The following CIB4 variants were observed in gnomAD, a reference collection of about 807,000 sequenced individuals.
CIB4 encodes calcium and integrin binding family member 4.
Under a neutral mutation model 25.8 loss-of-function variants are expected in CIB4, and 25 were observed. That is an observed-to-expected ratio of 0.97 (90% CI 0.71 to 1.35). The LOEUF (loss-of-function observed/expected upper bound fraction) is 1.35. Among genes scored for constraint, CIB4 ranks in the 40% most tolerant of loss-of-function variants. The pLI is 0.00. For synonymous variants in CIB4, 75 were observed against 81.4 expected (o/e 0.92, Z 0.42); for missense variants, 235 against 228.2 (o/e 1.03, Z -0.19).
rs1322576329 is a variant in CIB4 at position 26,627,343 on chromosome 2, G to C, written c.186+2067C>G. Among the ~76,000 whole-genome samples, 1 of 152,222 alleles carries C rather than the reference G, an allele frequency of 6.6e-6. No homozygotes were observed. Among genetic ancestry groups the C allele is most frequent in the East Asian group, 1.9e-4 (1 of 5,204 alleles). ...AAGTTGTTTCCCTCTTGGGACCTCA[G>C]TTTCCCCATTAATAAAATCAGGGTG... On this transcript the variant is annotated intron_variant, in intron 3 of 6. Transcript: ENST00000288861. The surrounding 1 kb of genome is among the most constrained non-coding windows in gnomAD (Gnocchi z 4.0).
chr2:26,623,714 G>A (rs1164604733), intron 3 of CIB4: 14 of 351,170 alleles, frequency 4.0e-5, no homozygotes, highest in Non-Finnish European at 6.7e-5. Context: ...CAGGAAGCCC[G>A]GAGCAGGAGG....
chr2:26,591,765 C>T (rs1048138718), intron 4 of CIB4, among the ~76,000 whole-genome samples: 1 of 152,230 alleles, frequency 6.6e-6, no homozygotes, highest in African/African-American at 2.4e-5. Context: ...AGTCTCTCCC[C>T]CTGGCTGTCT....
chr2:26,626,462 A>G (rs1669308128), intron 3 of CIB4, among the ~76,000 whole-genome samples: 1 of 152,102 alleles, frequency 6.6e-6, no homozygotes, highest in African/African-American at 2.4e-5. Context: ...ATAGAAAAAA[A>G]GTCTGGAAGG....
At chr2:26,634,031 G>A (rs781302231) in intron 2 of CIB4, among the ~76,000 whole-genome samples, 2 of 152,176 alleles carry the variant, frequency 1.3e-5, no homozygotes, top group Non-Finnish European at 2.9e-5. Flanking sequence ...CTCTAGCTTA[G>A]TAGTTCTCAA....
intron 2 of CIB4, among the ~76,000 whole-genome samples, chr2:26,634,756 C>A (rs975834532): frequency 1.3e-5 from 2 of 152,228 alleles, no homozygotes; most frequent in African/African-American, 4.8e-5. Flanking sequence ...ATGGAGTCTA[C>A]AAAGTGTTGG....
intron 4 of CIB4, among the ~76,000 whole-genome samples, chr2:26,593,502 T>C (rs1189294265): frequency 1.3e-5 from 2 of 152,180 alleles, no homozygotes; most frequent in Non-Finnish European, 2.9e-5. Context: ...TCTGTTTCTC[T>C]GCAGAATCCT....
At chr2:26,586,631 G>A (rs544461776) in intron 4 of CIB4, among the ~76,000 whole-genome samples, 1 of 152,194 alleles carries the variant, frequency 6.6e-6, no homozygotes, top group Non-Finnish European at 1.5e-5. Flanking sequence ...AATAAATAAC[G>A]AATGAACTAC....
In CIB4 at chr2:26,599,728, T is replaced by C. The variant is rs1319439080; in HGVS notation, c.187-4411A>G. 3.9e-5 allele frequency among the ~76,000 whole-genome samples: 6 copies of C among 152,236 alleles called. 1 individual carries two copies. The highest frequency in any genetic ancestry group is 1.3e-4 in the Admixed American group (2 of 15,280). On this transcript the variant is annotated intron_variant, in intron 3 of 6. Transcript: ENST00000288861. ...ATTTAGACTTCATTTAGTGTTTTTA[T>C]TTTCTAATCATACTTTATTTTGTGA...
chr2:26,625,827 G>A (rs1003874945), intron 3 of CIB4, among the ~76,000 whole-genome samples: 1 of 152,176 alleles, frequency 6.6e-6, no homozygotes, highest in South Asian at 2.1e-4. Context: ...TGCCCTAAAC[G>A]GCATTGACTA....
intron 3 of CIB4, among the ~76,000 whole-genome samples, chr2:26,599,080 T>C (rs1484981623): frequency 6.6e-6 from 1 of 152,202 alleles, no homozygotes; most frequent in Non-Finnish European, 1.5e-5. Flanking sequence ...AGAGTTATCA[T>C]CTGTATGAAA....
chr2:26,612,281 A>G (rs934398309), intron 3 of CIB4, among the ~76,000 whole-genome samples: 4 of 152,322 alleles, frequency 2.6e-5, no homozygotes, highest in Admixed American at 2.6e-4. Flanking sequence ...CTCAGAGCTC[A>G]ATAAGAACGG....
intron 6 of CIB4, among the ~76,000 whole-genome samples, chr2:26,581,620 G>T (rs1668345816): frequency 6.6e-6 from 1 of 152,226 alleles, no homozygotes; most frequent in Admixed American, 6.5e-5. Context: ...ACCTTGTGGT[G>T]CTCGAATCAG....
chr2:26,599,367 G>A (rs28475705), intron 3 of CIB4, among the ~76,000 whole-genome samples: 2,930 of 152,156 alleles, frequency 0.019, 99 homozygotes, highest in African/African-American at 0.066. Context: ...AAAGATTGCA[G>A]TCCCTGCCAA....
chr2:26,617,120 A>ATATGTGTGTGTGTG (rs146713738), intron 3 of CIB4, among the ~76,000 whole-genome samples: 6 of 137,724 alleles, frequency 4.4e-5, no homozygotes, highest in Admixed American at 2.3e-4. Flanking sequence ...AGAGCATGGA[A>ATATGTGTGTGTGTG]TGTGTGTGTG....
At chr2:26,601,590 A>G (rs1423177089) in intron 3 of CIB4, among the ~76,000 whole-genome samples, 1 of 152,156 alleles carries the variant, frequency 6.6e-6, no homozygotes, top group Admixed American at 6.5e-5. Flanking sequence ...ACAGGAGGAT[A>G]TCTTCATAAT....
chr2:26,637,093 C>T (rs373643458), intron 2 of CIB4, among the ~76,000 whole-genome samples: 2 of 152,220 alleles, frequency 1.3e-5, no homozygotes, highest in African/African-American at 4.8e-5. Context: ...GCCTGTCTGG[C>T]TCCAGCTCTC....
chr2:26,595,118 A>G (rs1363316395), intron 4 of CIB4, 58 bp downstream of exon 4: 3 of 1,525,012 alleles, frequency 2.0e-6, no homozygotes, highest in Non-Finnish European at 2.7e-6. Context: ...GAGTCCAGAT[A>G]CGGTATGTTC....
chr2:26,638,797 C>T (rs115775640), intron 2 of CIB4, among the ~76,000 whole-genome samples: 2,058 of 152,102 alleles, frequency 0.014, 56 homozygotes, highest in African/African-American at 0.047. Context: ...TACAGAAATA[C>T]AAAAATTTGC....
At chr2:26,631,331 C>G (rs1669416662) in intron 2 of CIB4, among the ~76,000 whole-genome samples, 1 of 152,126 alleles carries the variant, frequency 6.6e-6, no homozygotes, top group African/African-American at 2.4e-5. Flanking sequence ...GAAAATTAGC[C>G]AGGCATACTG....
Sources: gnomAD v4.1 joint callset for allele counts (sites outside exome capture counted in the v4.1 genomes callset) on GRCh38, gnomAD v4.1.1 for gene constraint, Gnocchi (gnomAD v3.1) non-coding constraint, MANE v1.5 for transcripts, NCBI Gene and HGNC (gene_info 2026-07-23, HGNC 2026-07-21) for gene names.